SLC35B3: variants seen among roughly 807,000 people sequenced by gnomAD.
The protein encoded by SLC35B3 is adenosine 3'-phospho 5'-phosphosulfate transporter 2.
In SLC35B3, 35 loss-of-function variants were observed where a neutral mutation model predicts 44.1. The observed-to-expected ratio is 0.79, with a 90% CI of 0.61 to 1.05. The LOEUF (loss-of-function observed/expected upper bound fraction) is 1.05, where lower values mean the gene tolerates loss of function less well. Among genes scored for constraint, SLC35B3 ranks in the 50% least tolerant of loss-of-function variants. The pLI is 0.00. For missense variants in SLC35B3, 414 were observed against 476.4 expected, an observed-to-expected ratio of 0.87 and a Z score of 1.22; for synonymous variants, 146 against 167.3, an observed-to-expected ratio of 0.87 and a Z score of 0.98.
intron 3 of SLC35B3, 146 bp downstream of exon 2, chr6:8,429,718 C>G: frequency 2.2e-6 from 1 of 447,430 alleles, no homozygotes. Flanking sequence ...TGTTAAGAAG[C>G]TCTTTTCTAC....
At chr6:8,425,741 G>T (rs17143728) in intron 4 of SLC35B3, among the ~76,000 whole-genome samples, 1,716 of 151,994 alleles carry the variant, frequency 0.011, 33 homozygotes, top group Admixed American at 0.048. Context: ...TTGTATCAAG[G>T]TATGTCAGTA....
intron 5 of SLC35B3, among the ~76,000 whole-genome samples, chr6:8,421,661 C>T (rs970553526): frequency 3.3e-5 from 5 of 152,180 alleles, no homozygotes; most frequent in African/African-American, 7.2e-5. Context: ...CTCTTTTACT[C>T]GTATTTCCAC....
rs1763825623 is a variant in SLC35B3, at chr6:8,430,125, GT to G, written c.35del (p.Asn12ThrfsTer2). 6.2e-7 allele frequency: 1 copy of G among 1,601,742 alleles called. No homozygotes were observed. Among genetic ancestry groups the G allele is most frequent in the Admixed American group, 1.7e-5 (1 of 57,678 alleles). On this transcript the variant is annotated frameshift_variant, in exon 3 of 11. It removes the in-frame stop codon of an upstream open reading frame in the 5' UTR. Coordinates refer to ENST00000644923, the MANE Select transcript of SLC35B3 (RefSeq NM_001370476.2). LOFTEE classifies it high-confidence loss of function. Reference sequence around the variant, plus strand: ...TTTTGTTGGTTTCCTGGACTGTTATGTTCTGTATGTCTTTTGCTTGCTGTGT... The same window carrying G: ...TTTTGTTGGTTTCCTGGACTGTTATGTCTGTATGTCTTTTGCTTGCTGTGT...
At chr6:8,418,213 A>G (rs1762588079) in intron 7 of SLC35B3, among the ~76,000 whole-genome samples, 1 of 152,172 alleles carries the variant, frequency 6.6e-6, no homozygotes, top group Non-Finnish European at 1.5e-5. Flanking sequence ...TCCAGAGCCT[A>G]CCATCATAAA....
chr6:8,428,948 AAC>A (rs1235932211), intron 3 of SLC35B3, among the ~76,000 whole-genome samples: 1 of 152,130 alleles, frequency 6.6e-6, no homozygotes, highest in African/African-American at 2.4e-5. Flanking sequence ...CTAACTAAAA[AAC>A]AGTCACAATT....
chr6:8,419,644 T>C lies in SLC35B3; in HGVS notation c.716A>G (p.Asp239Gly), dbSNP rs1762716286. ...CTCTTGAACATTTCCAATGACGGCATCTGCACATAGTGCCAGGGAAATAAG... is the reference window on the plus strand; with the variant it reads ...CTCTTGAACATTTCCAATGACGGCACCTGCACATAGTGCCAGGGAAATAAG... Residue 239 changes from aspartate to glycine, a missense_variant, in exon 7 of 11, where the codon GAT (aspartate) becomes GGT (glycine). Transcript: ENST00000644923. The surrounding 1 kb of genome is among the most constrained non-coding windows in gnomAD (Gnocchi z 4.3). The C allele has an allele frequency of 2.6e-6, 4 of 1,558,706 alleles. No homozygotes were observed. Among genetic ancestry groups the C allele is most frequent in the South Asian group, 1.2e-5 (1 of 82,540 alleles).
At chr6:8,425,503 A>C (rs1763330265) in intron 4 of SLC35B3, among the ~76,000 whole-genome samples, 1 of 152,132 alleles carries the variant, frequency 6.6e-6, no homozygotes, top group Non-Finnish European at 1.5e-5. Context: ...ATAGAACATA[A>C]AAATAATGAA....
Position 8,433,839 on chromosome 6 carries a change from T to C in SLC35B3, c.3+546A>G, listed in dbSNP as rs915662279. 4.6e-5 allele frequency among the ~76,000 whole-genome samples: 7 copies of C among 152,050 alleles called. No homozygotes were observed. The highest frequency in any genetic ancestry group is 4.2e-4 in the South Asian group (2 of 4,816). The stretch of plus-strand genomic sequence containing the variant: ...CTCTGATACCTAATAACTGTGATCA[T>C]TGGGGAATGTCTGCCATATCCCTTC... On this transcript the variant is annotated intron_variant, in intron 2 of 10. Transcript: ENST00000644923. The surrounding 1 kb of genome is among the most constrained non-coding windows in gnomAD (Gnocchi z 4.1).
chr6:8,425,191 G>T (rs1415857528), intron 4 of SLC35B3, among the ~76,000 whole-genome samples: 1 of 152,154 alleles, frequency 6.6e-6, no homozygotes, highest in Non-Finnish European at 1.5e-5. Context: ...TGATAGGGAG[G>T]TGTTTCTTTC....
At chr6:8,427,632 G>T (rs374767447) in intron 4 of SLC35B3, among the ~76,000 whole-genome samples, 131 of 152,194 alleles carry the variant, frequency 8.6e-4, no homozygotes, top group African/African-American at 3.0e-3. Context: ...ATCAGTAACT[G>T]CACCTATTTC....
rs747031781 is a variant in SLC35B3, at chr6:8,419,729, T to G, written c.683-52A>C. 3.0e-6 allele frequency: 3 copies of G among 1,004,058 alleles called. No homozygotes were observed. Among genetic ancestry groups the G allele is most frequent in the Non-Finnish European group, 4.3e-6 (3 of 696,070 alleles). The allele number at this position is 1,004,058 out of a possible 1,614,324, so 62.2% of individuals were successfully genotyped here. A position where few individuals can be genotyped will look rare whatever the true frequency, so the allele number is the denominator to read the frequency against. ...CAAAAAAACCCTCCTTATTTAAACA[T>G]ATGAACTATAATCAAGCTTTATCAG... On this transcript the variant is annotated intron_variant, in intron 6 of 10. Transcript: ENST00000644923. This position sits in a 1 kb window ranked among gnomAD's most constrained non-coding sequence, Gnocchi z 4.3.
chr6:8,422,600 T>TA lies in SLC35B3; in HGVS notation c.443dup (p.Ile149AsnfsTer48). 6.2e-7 allele frequency: 1 copy of TA among 1,610,168 alleles called. No homozygotes were observed. Among genetic ancestry groups the TA allele is most frequent in the Non-Finnish European group, 8.5e-7 (1 of 1,178,878 alleles). On this transcript the variant is annotated frameshift_variant, in exon 5 of 11. Coordinates refer to ENST00000644923, the MANE Select transcript of SLC35B3 (RefSeq NM_001370476.2). LOFTEE classifies it high-confidence loss of function. ...TAGTACCCACAGTTAGAAAAGCTAT[T>TA]ATCATGTAGGTTTTTCCTGGTATTC...
In SLC35B3 at chr6:8,420,667, C is replaced by G. The variant is rs1017226712; in HGVS notation, c.682+54G>C. 7.7e-7 allele frequency: 1 copy of G among 1,301,354 alleles called. No homozygotes were observed. The highest frequency in any genetic ancestry group is 2.0e-5 in the Admixed American group (1 of 48,796). 80.6% of individuals were successfully genotyped at this position (1,301,354 alleles called of 1,614,324 possible). ...AAATGCTTACAAAATATTCGAAATT[C>G]GTATTCTAAACTAAAAAGCCTATAA... is the stretch of plus-strand genomic sequence containing the variant. On this transcript the variant is annotated intron_variant, in intron 6 of 10. Coordinates refer to ENST00000644923, the MANE Select transcript of SLC35B3 (RefSeq NM_001370476.2). This position sits in a 1 kb window ranked among gnomAD's most constrained non-coding sequence, Gnocchi z 4.4.
rs1484068929 is a variant in SLC35B3 at position 8,433,136 on chromosome 6, ATC to A, written c.3+1247_3+1248del. Among the ~76,000 whole-genome samples the A allele has an allele frequency of 3.3e-5, 5 of 152,070 alleles. No homozygotes were observed. Among genetic ancestry groups the A allele is most frequent in the South Asian group, 2.1e-4 (1 of 4,824 alleles). ...CTCTACCTCTATAACTATATCTAAT[ATC>A]TGTTTCGGACCCTACTCCATCAGGC... On this transcript the variant is annotated intron_variant, in intron 2 of 10. Coordinates refer to ENST00000644923, the MANE Select transcript of SLC35B3 (RefSeq NM_001370476.2). This position sits in a 1 kb window ranked among gnomAD's most constrained non-coding sequence, Gnocchi z 4.1.
intron 4 of SLC35B3, 183 bp downstream of exon 3, chr6:8,427,753 AT>A (rs2113476427): frequency 2.2e-6 from 1 of 450,878 alleles, no homozygotes; most frequent in African/African-American, 2.0e-5. Context: ...GTAATACTGC[AT>A]TTAAGACTTT....
intron 5 of SLC35B3, among the ~76,000 whole-genome samples, chr6:8,421,679 G>C (rs955973467): frequency 2.0e-5 from 3 of 152,114 alleles, no homozygotes; most frequent in African/African-American, 7.2e-5. Context: ...CACAAAACTT[G>C]TCACTTAGCT....
Position 8,434,371 on chromosome 6 carries a change from TA to T in SLC35B3, c.3+13del. 1 of 1,611,730 alleles carries T rather than the reference TA, an allele frequency of 6.2e-7. No homozygotes were observed. Among genetic ancestry groups the T allele is most frequent in the Middle Eastern group, 1.7e-4 (1 of 6,056 alleles). On this transcript the variant is annotated intron_variant, in intron 2 of 10. Transcript: ENST00000644923. This position sits in a 1 kb window ranked among gnomAD's most constrained non-coding sequence, Gnocchi z 6.3. ...ACTTTGCCACACTCAACGTTACAAA[TA>T]AAAGAATCTTACCATGCCATTATGC...
Position 8,415,132 on chromosome 6 carries a change from C to T in SLC35B3, c.986-155G>A, listed in dbSNP as rs79653256. Among the ~76,000 whole-genome samples the T allele has an allele frequency of 5.6e-3, 856 of 152,272 alleles. 6 individuals are homozygous for T. Among genetic ancestry groups the T allele is most frequent in the African/African-American group, 0.02 (818 of 41,564 alleles). Reference sequence around the variant, plus strand: ...AGTAGAAACCAACCAACCAAACACACGCACAAAAGTCACTGTTCCCTGTTA... The same window carrying T: ...AGTAGAAACCAACCAACCAAACACATGCACAAAAGTCACTGTTCCCTGTTA... On this transcript the variant is annotated intron_variant, in intron 9 of 10. Coordinates refer to ENST00000644923, the MANE Select transcript of SLC35B3 (RefSeq NM_001370476.2).
chr6:8,434,563 G>C lies in SLC35B3; in HGVS notation c.-43-133C>G. ...TTCTTTTTTTTTTCCAAGAGAAAAA[G>C]TTAACACTAGGACTTTATATATTAA... is the stretch of plus-strand genomic sequence containing the variant. On this transcript the variant is annotated intron_variant, in intron 1 of 10. Transcript: ENST00000644923. The surrounding 1 kb of genome is among the most constrained non-coding windows in gnomAD (Gnocchi z 6.3). 1 of 563,524 alleles carries C rather than the reference G, an allele frequency of 1.8e-6. No homozygotes were observed. The highest frequency in any genetic ancestry group is 4.1e-5 in the South Asian group (1 of 24,106). 34.9% of individuals were successfully genotyped at this position (563,524 alleles called of 1,614,324 possible).
Sources: gnomAD v4.1 joint callset for allele counts (sites outside exome capture counted in the v4.1 genomes callset) on GRCh38, gnomAD v4.1.1 for gene constraint, Gnocchi (gnomAD v3.1) non-coding constraint, MANE v1.5 for transcripts, NCBI Gene and HGNC (gene_info 2026-07-23, HGNC 2026-07-21) for gene names.